BCOR: variants seen among roughly 807,000 people sequenced by gnomAD.
The protein encoded by BCOR is BCL6 corepressor, also known as BCL-6 corepressor.
In BCOR, 10 loss-of-function variants were observed where a neutral mutation model predicts 86.7. The ratio of observed to expected loss-of-function variants is 0.12; its 90% CI spans 0.07 to 0.20. BCOR has a LOEUF of 0.20. BCOR is among the 10% of genes least tolerant of loss of function. The probability of loss-of-function intolerance (pLI) is 1.00; values close to 1 mark genes in which losing one functional copy is unlikely to be tolerated. For missense variants in BCOR, 1,259 were observed against 1,452.1 expected (o/e 0.87, Z 2.16); for synonymous variants, 611 against 609.0 (o/e 1.00, Z -0.05).
intron 1 of BCOR, among the ~76,000 whole-genome samples, chrX:40,123,006 C>A (rs1001543707): frequency 1.8e-5 from 2 of 111,258 alleles, no homozygotes; most frequent in African/African-American, 6.5e-5. Flanking sequence ...GTTATCACAT[C>A]TGACCTCGTT....
chrX:40,147,504 T>C (rs1200054332), intron 1 of BCOR, among the ~76,000 whole-genome samples: 1 of 112,132 alleles, frequency 8.9e-6, no homozygotes, highest in Non-Finnish European at 1.9e-5. Flanking sequence ...GCGCAAGAAG[T>C]GGACACTCGC....
chrX:40,167,550 T>C (rs1049160383), intron 1 of BCOR, among the ~76,000 whole-genome samples: 12 of 112,907 alleles, frequency 1.1e-4, no homozygotes, highest in African/African-American at 3.9e-4. Flanking sequence ...TTGTCAAGTC[T>C]CTTCGCACCA....
chrX:40,111,033 C>A (rs1277537212), intron 1 of BCOR, among the ~76,000 whole-genome samples: 1 of 110,883 alleles, frequency 9.0e-6, no homozygotes, highest in African/African-American at 3.3e-5. Flanking sequence ...CACTTTCTAA[C>A]AATATTGCAG....
At chrX:40,117,717 C>A (rs925501067) in intron 1 of BCOR, among the ~76,000 whole-genome samples, 2 of 110,636 alleles carry the variant, frequency 1.8e-5, no homozygotes, top group Non-Finnish European at 3.8e-5. Flanking sequence ...AGGGGACACT[C>A]GATCCCCTTT....
At chrX:40,165,252 A>G (rs745885861) in intron 1 of BCOR, among the ~76,000 whole-genome samples, 7 of 111,949 alleles carry the variant, frequency 6.3e-5, no homozygotes, top group African/African-American at 2.3e-4. Context: ...AAGGAATAGC[A>G]AAGAGACGCA....
rs866371091 is a variant in BCOR at position 40,139,463 on chromosome X, A to G, written c.-41+37544T>C. On this transcript the variant is annotated intron_variant, in intron 1 of 14. Coordinates refer to the BCOR transcript ENST00000342274. ...ATATATATAATATATATACATATAT[A>G]TATATATATATATATATATATATAT... Among the ~76,000 whole-genome samples the G allele has an allele frequency of 2.3e-3, 5 of 2,150 alleles. 1 individual carries two copies. Among genetic ancestry groups the G allele is most frequent in the African/African-American group, 0.019 (4 of 215 alleles). 1.9% of individuals were successfully genotyped at this position (2,150 alleles called of 115,157 possible).
At chrX:40,122,942 C>T (rs1235149939) in intron 1 of BCOR, among the ~76,000 whole-genome samples, 1 of 111,444 alleles carries the variant, frequency 9.0e-6, no homozygotes, top group Non-Finnish European at 1.9e-5. Context: ...GCCTGACGAG[C>T]GGGACTGTTT....
chrX:40,109,588 G>A (rs1006698562), intron 1 of BCOR, among the ~76,000 whole-genome samples: 15 of 110,964 alleles, frequency 1.4e-4, no homozygotes, highest in Non-Finnish European at 1.9e-5. Context: ...AGGGCGCCAG[G>A]CTGCCACCCT....
intron 5 of BCOR, among the ~76,000 whole-genome samples, 169 bp downstream of exon 5, chrX:40,071,468 C>T (rs1184189426): frequency 9.0e-6 from 1 of 111,598 alleles, no homozygotes; most frequent in African/African-American, 3.3e-5. Context: ...TAAAACAAAA[C>T]GAAAACACAA....
chrX:40,139,435 T>C (rs867937627), intron 1 of BCOR, among the ~76,000 whole-genome samples: 2 of 20,190 alleles, frequency 9.9e-5, no homozygotes, highest in Admixed American at 9.6e-4. Flanking sequence ...CATATATATA[T>C]ATATATATAT....
intron 1 of BCOR, among the ~76,000 whole-genome samples, chrX:40,161,139 C>T (rs1938409616): frequency 9.2e-6 from 1 of 108,590 alleles, no homozygotes; most frequent in Non-Finnish European, 1.9e-5. Flanking sequence ...TCCAGAGTAG[C>T]TGGGACTACA....
At chrX:40,109,574 G>A (rs1047690925) in intron 1 of BCOR, among the ~76,000 whole-genome samples, 6 of 110,969 alleles carry the variant, frequency 5.4e-5, no homozygotes, top group Non-Finnish European at 7.6e-5. Flanking sequence ...CGCCGGCCCC[G>A]CGGAGGGCGC....
In BCOR at chrX:40,140,496, C is replaced by A. The variant is rs184004525; in HGVS notation, c.-41+36511G>T. ...CAAACAAACAAACAAACAAAAAAAC[C>A]AAAAAACTATGCCTGAGGAGTAATA... On this transcript the variant is annotated intron_variant, in intron 1 of 14. Coordinates refer to the BCOR transcript ENST00000342274. Among the ~76,000 whole-genome samples, 44 of 111,225 alleles carry A rather than the reference C, an allele frequency of 4.0e-4. 1 individual carries two copies. The East Asian group carries it at 0.012, about 29-fold the overall frequency.
intron 1 of BCOR, chrX:40,176,934 C>T (rs1360004122): frequency 9.0e-6 from 1 of 111,332 alleles, no homozygotes; most frequent in African/African-American, 3.3e-5. Context: ...GCCCTGGCGT[C>T]CTCTACTCCC....
intron 1 of BCOR, among the ~76,000 whole-genome samples, chrX:40,128,027 C>T (rs1937565086): frequency 9.5e-6 from 1 of 105,508 alleles, no homozygotes; most frequent in African/African-American, 3.5e-5. Context: ...GAGTTCAAGA[C>T]CAGCCTGGCC....
At chrX:40,101,892 A>G (rs1937080889), upstream of BCOR, among the ~76,000 whole-genome samples, 1 of 112,345 alleles carries the variant, frequency 8.9e-6, no homozygotes, top group Non-Finnish European at 1.9e-5. Flanking sequence ...ATGTATTTTT[A>G]CATAATGTGA....
At chrX:40,061,721 C>T (rs58217191) in intron 10 of BCOR, among the ~76,000 whole-genome samples, 21,848 of 97,627 alleles carry the variant, frequency 0.22, 2,548 homozygotes, top group African/African-American at 0.38. Context: ...TCCCCCTACA[C>T]GGCCACCCTT....
intron 1 of BCOR, among the ~76,000 whole-genome samples, chrX:40,174,695 A>G (rs1938703991): frequency 8.9e-6 from 1 of 112,614 alleles, no homozygotes; most frequent in Admixed American, 9.4e-5. Context: ...GCGTTCTATT[A>G]AGGTCCTGGA....
chrX:40,074,836 C>T lies in BCOR; in HGVS notation c.510G>A (p.Arg170=), dbSNP rs1935711085. The T allele has an allele frequency of 8.3e-7, 1 of 1,211,703 alleles. No homozygotes were observed. The highest frequency in any genetic ancestry group is 3.0e-5 in the East Asian group (1 of 33,843). ...VATAEALGLD[R]PASDKQSPLN... is the part of the protein sequence containing the mutation. ...GAGGGCTCTGTTTGTCGCTGGCAGGCCTGTCCAAGCCCAGCGCTTCTGCTG... is the reference window on the plus strand; with the variant it reads ...GAGGGCTCTGTTTGTCGCTGGCAGGTCTGTCCAAGCCCAGCGCTTCTGCTG... The change falls in exon 4 of 15, where the codon AGG becomes AGA. Residue 170 remains arginine, a synonymous_variant. Transcript: ENST00000378444.
Sources: gnomAD v4.1 joint callset for allele counts (sites outside exome capture counted in the v4.1 genomes callset) on GRCh38, gnomAD v4.1.1 for gene constraint, MANE v1.5 for transcripts, NCBI Gene and HGNC (gene_info 2026-07-23, HGNC 2026-07-21) for gene names.